The following PTPN11 variants were observed in gnomAD, a reference collection of about 807,000 sequenced individuals.
PTPN11 encodes protein tyrosine phosphatase non-receptor type 11, also known as tyrosine-protein phosphatase non-receptor type 11.
A neutral mutation model predicts 78.8 loss-of-function variants in PTPN11; 6 were observed. The ratio of observed to expected loss-of-function variants is 0.08; its 90% CI spans 0.04 to 0.15. The LOEUF is 0.15. PTPN11 is among the 10% of genes least tolerant of loss of function. PTPN11 has a pLI of 1.00. For missense variants in PTPN11, 386 were observed against 744.8 expected (o/e 0.52, Z 5.61); for synonymous variants, 221 against 263.5 (o/e 0.84, Z 1.56).
In PTPN11 at chr12:112,450,529, T is replaced by G. The variant is rs115658366; in HGVS notation, c.332+17T>G. Reference sequence around the variant, plus strand: ...CTCTGAAAGGTCAGTAACATTTTAGTGACCACAAAGTCTGCTGCTCCCTTG... The same window carrying G: ...CTCTGAAAGGTCAGTAACATTTTAGGGACCACAAAGTCTGCTGCTCCCTTG... On this transcript the variant is annotated intron_variant, in intron 3 of 15. Coordinates refer to ENST00000351677, the MANE Select transcript of PTPN11 (RefSeq NM_002834.5). 6.7e-4 allele frequency: 1,078 copies of G among 1,610,806 alleles called. 3 individuals carry two copies. The African/African-American group carries it at 7.3e-3, about 11-fold the overall frequency.
chr12:112,480,651 C>T (rs753036747), intron 9 of PTPN11, among the ~76,000 whole-genome samples: 1 of 152,182 alleles, frequency 6.6e-6, no homozygotes, highest in African/African-American at 2.4e-5. Context: ...TGAGCCACTG[C>T]GCCCAACCAA....
At chr12:112,485,592 A>C (rs998124217) in intron 10 of PTPN11, among the ~76,000 whole-genome samples, 1 of 152,184 alleles carries the variant, frequency 6.6e-6, no homozygotes, top group African/African-American at 2.4e-5. Flanking sequence ...GGGCCACGTG[A>C]GTGTGAGTGC....
chr12:112,434,538 G>A (rs1372335994), intron 1 of PTPN11, among the ~76,000 whole-genome samples: 1 of 151,672 alleles, frequency 6.6e-6, no homozygotes, highest in Non-Finnish European at 1.5e-5. Context: ...AACCCAGGTG[G>A]CAGAGGTTGC....
chr12:112,468,082 AC>A lies in PTPN11; in HGVS notation c.757-4859del, dbSNP rs2038357736. Among the ~76,000 whole-genome samples the A allele has an allele frequency of 2.6e-5, 4 of 152,020 alleles. No individual in the cohort carries two copies. The South Asian group carries it at 8.3e-4, about 32-fold the overall frequency. On this transcript the variant is annotated intron_variant, in intron 6 of 15. Transcript: ENST00000351677. ...TTTGAGAGTTCACAGTTTGGTGCAA[AC>A]CCTTTGGATGTATTATTTGGGAAAA...
At chr12:112,476,589 C>T (rs1047023314) in intron 7 of PTPN11, among the ~76,000 whole-genome samples, 4 of 152,082 alleles carry the variant, frequency 2.6e-5, no homozygotes, top group African/African-American at 9.6e-5. Context: ...GCTAACATGG[C>T]AAAACCCCAT....
At position 112,504,586 on chromosome 12, in the gene PTPN11, A is replaced by C. The variant is rs2038912680; in HGVS notation, c.1713-109A>C. 3.7e-6 allele frequency: 3 copies of C among 808,084 alleles called. No homozygotes were observed. In the East Asian group the frequency reaches 8.1e-5, roughly 22 times the overall value. The allele number at this position is 808,084 out of a possible 1,614,324, so 50.1% of individuals were successfully genotyped here. A position where few individuals can be genotyped will look rare whatever the true frequency, so the allele number is the denominator to read the frequency against. Reference sequence around the variant, plus strand: ...TCCTAGGCACAGGAACTGTGTCTGTACCATATCTGGTGCCCAAAGAATGTA... The same window carrying C: ...TCCTAGGCACAGGAACTGTGTCTGTCCCATATCTGGTGCCCAAAGAATGTA... On this transcript the variant is annotated intron_variant, in intron 14 of 15. Coordinates refer to ENST00000351677, the MANE Select transcript of PTPN11 (RefSeq NM_002834.5). This position sits in a 1 kb window ranked among gnomAD's most constrained non-coding sequence, Gnocchi z 4.7.
chr12:112,446,460 A>G, intron 2 of PTPN11, 62 bp downstream of exon 2: 1 of 1,609,478 alleles, frequency 6.2e-7, no homozygotes. Context: ...TGGTAAAACC[A>G]TGCTTGGATA....
At position 112,427,324 on chromosome 12, in the gene PTPN11, ATCAGGAGG is replaced by A. The variant is rs999497834; in HGVS notation, c.14+8207_14+8214del. On this transcript the variant is annotated intron_variant, in intron 1 of 15. Transcript: ENST00000351677. ...CACTTTGGGAGGCCGAGGCGGGTGG[ATCAGGAGG>A]TCAGGAGATCGAGACCATCCTAGCT... Among the ~76,000 whole-genome samples, 67 of 152,054 alleles carry A rather than the reference ATCAGGAGG, an allele frequency of 4.4e-4. 1 individual carries two copies. The highest frequency in any genetic ancestry group is 3.4e-3 in the Middle Eastern group (1 of 292).
chr12:112,482,205 A>G lies in PTPN11; in HGVS notation c.1224A>G (p.Gln408=). 1 of 1,613,148 alleles carries G rather than the reference A, an allele frequency of 6.2e-7. No individual in the cohort carries two copies. Among genetic ancestry groups the G allele is most frequent in the Non-Finnish European group, 8.5e-7 (1 of 1,179,288 alleles). Residue 408 remains glutamine, a splice_region_variant and synonymous_variant, in exon 10 of 16, where the codon CAA becomes CAG. Coordinates refer to ENST00000351677, the MANE Select transcript of PTPN11 (RefSeq NM_002834.5). The surrounding 1 kb of genome is among the most constrained non-coding windows in gnomAD (Gnocchi z 4.4). ...LRELKLSKVG[Q]GNTERTVWQY... is the part of the protein sequence containing the mutation. ...AACTTAAACTTTCAAAGGTTGGACA[A>G]GTAAGTATATTGTCGTATTCTAGAG... is the stretch of plus-strand genomic sequence containing the variant.
At chr12:112,421,679 G>C (rs2037523803) in intron 1 of PTPN11, among the ~76,000 whole-genome samples, 1 of 152,032 alleles carries the variant, frequency 6.6e-6, no homozygotes, top group Admixed American at 6.6e-5. Flanking sequence ...TTGTTGCCCA[G>C]GCTGGAGTGC....
chr12:112,487,557 A>G (rs2038695329), intron 11 of PTPN11, among the ~76,000 whole-genome samples: 1 of 152,100 alleles, frequency 6.6e-6, no homozygotes, highest in Admixed American at 6.5e-5. Flanking sequence ...CTCTGTAATG[A>G]GTCTGTGGGC....
At chr12:112,499,660 T>G (rs1295064522) in intron 13 of PTPN11, among the ~76,000 whole-genome samples, 3 of 151,890 alleles carry the variant, frequency 2.0e-5, no homozygotes, top group Non-Finnish European at 4.4e-5. Flanking sequence ...AAAATAATAT[T>G]CTCTGCTGGC....
intron 11 of PTPN11, among the ~76,000 whole-genome samples, chr12:112,487,188 G>A (rs2038691513): frequency 6.6e-6 from 1 of 150,654 alleles, no homozygotes; most frequent in Non-Finnish European, 1.5e-5. Context: ...AGGCTAGAGT[G>A]CAGTGGTGCC....
At chr12:112,485,273 C>T (rs2038657471) in intron 10 of PTPN11, among the ~76,000 whole-genome samples, 1 of 151,976 alleles carries the variant, frequency 6.6e-6, no homozygotes, top group African/African-American at 2.4e-5. Flanking sequence ...AGTCACTTAG[C>T]TTAGATTGTC....
intron 11 of PTPN11, chr12:112,486,999 G>A (rs533631869): frequency 2.0e-6 from 2 of 1,021,160 alleles, no homozygotes; most frequent in Non-Finnish European, 2.5e-6. Flanking sequence ...GAGGTGGTGG[G>A]GGTGTGGTGG....
intron 1 of PTPN11, among the ~76,000 whole-genome samples, chr12:112,446,014 C>T (rs1592822441): frequency 6.6e-6 from 1 of 152,104 alleles, no homozygotes; most frequent in Non-Finnish European, 1.5e-5. Context: ...CTGGCCCCCT[C>T]AGTGCACTGT....
intron 6 of PTPN11, among the ~76,000 whole-genome samples, chr12:112,467,801 CTG>C (rs1387414788): frequency 1.3e-5 from 2 of 152,062 alleles, no homozygotes. Context: ...GGCCACCACA[CTG>C]TTTTAAACAA....
intron 14 of PTPN11, among the ~76,000 whole-genome samples, chr12:112,503,049 T>C (rs2038895178): frequency 6.6e-6 from 1 of 152,216 alleles, no homozygotes; most frequent in Non-Finnish European, 1.5e-5. Flanking sequence ...AAACTACAGC[T>C]CACAAGGCCA....
At chr12:112,445,630 A>C (rs972779394) in intron 1 of PTPN11, among the ~76,000 whole-genome samples, 2 of 151,648 alleles carry the variant, frequency 1.3e-5, no homozygotes, top group Admixed American at 6.6e-5. Flanking sequence ...ATTTATTAAG[A>C]AACTTATTCT....
Sources: allele counts gnomAD v4.1 joint callset (sites outside exome capture counted in the v4.1 genomes callset), GRCh38; gene constraint gnomAD v4.1.1; non-coding constraint Gnocchi (gnomAD v3.1); transcripts MANE v1.5; gene names NCBI Gene and HGNC (gene_info 2026-07-23, HGNC 2026-07-21).